Variants in DNAH1 observed in about 807,000 individuals in gnomAD.
DNAH1 encodes the protein dynein axonemal heavy chain 1.
DNAH1 carries 327 observed loss-of-function variants against 484.3 expected under a neutral mutation model. The ratio of observed to expected loss-of-function variants is 0.68; its 90% CI spans 0.62 to 0.74. The LOEUF is 0.74. Ranked by LOEUF, DNAH1 falls within the 30% of genes least tolerant of loss-of-function variation. The probability of loss-of-function intolerance (pLI) is 0.00; values close to 1 mark genes in which losing one functional copy is unlikely to be tolerated. For synonymous variants in DNAH1, 2,192 were observed against 2,191.9 expected, an observed-to-expected ratio of 1.00 and a Z score of 0.00; for missense variants, 5,052 against 5,546.8, an observed-to-expected ratio of 0.91 and a Z score of 2.83.
At chr3:52,327,004 C>CT (rs1701371393) in intron 5 of DNAH1, 113 bp downstream of exon 5, 1 of 1,355,096 alleles carries the variant, frequency 7.4e-7, no homozygotes, top group Non-Finnish European at 9.9e-7. Flanking sequence ...CCAGCACACT[C>CT]TTGTCAAACA....
chr3:52,348,454 C>T (rs1702233710), intron 12 of DNAH1, among the ~76,000 whole-genome samples: 1 of 152,174 alleles, frequency 6.6e-6, no homozygotes, highest in South Asian at 2.1e-4. Context: ...GTCCAACGTC[C>T]CCACCAGTCA....
At chr3:52,331,393 C>T in intron 7 of DNAH1, 84 bp downstream of exon 7, 1 of 1,451,154 alleles carries the variant, frequency 6.9e-7, no homozygotes. Flanking sequence ...GCCCAGGGCA[C>T]TGCCAGATCA....
chr3:52,370,005 G>A lies in DNAH1; in HGVS notation c.6124G>A (p.Val2042Ile). 1 of 1,613,268 alleles carries A rather than the reference G, an allele frequency of 6.2e-7. No homozygotes were observed. The highest frequency in any genetic ancestry group is 8.5e-7 in the Non-Finnish European group (1 of 1,179,366). The change falls in exon 38 of 78, where the codon GTC becomes ATC. Residue 2042 changes from valine (V) to isoleucine (I), a missense_variant. Transcript: ENST00000420323. ...PYEEHFKALF[V>I]SFLEESISFV... ...TGAGGAGCATTTCAAGGCCCTCTTT[G>A]TCAGCTTCCTGGAGGTGAGTGAGGC...
chr3:52,336,788 C>T (rs1420585187), intron 8 of DNAH1, among the ~76,000 whole-genome samples: 1 of 152,140 alleles, frequency 6.6e-6, no homozygotes, highest in Non-Finnish European at 1.5e-5. Flanking sequence ...TTACATTGGA[C>T]TATGTGTCTG....
chr3:52,332,219 T>C lies in DNAH1; in HGVS notation c.1111T>C (p.Phe371Leu). 1.2e-6 allele frequency: 2 copies of C among 1,612,896 alleles called. No individual in the cohort carries two copies. The highest frequency in any genetic ancestry group is 2.2e-5 in the South Asian group (2 of 90,880). The change falls in exon 8 of 78, where the codon TTC becomes CTC. Residue 371 changes from phenylalanine to leucine, a missense_variant. Physicochemically the swap from Phe to Leu is conservative, Grantham distance 22. Transcript: ENST00000420323. ...CTTCTGCGCTGAGGACCCTTGCATG[T>C]TCGCACAACGTGTGGTCCAGGCCAA... is the stretch of plus-strand genomic sequence containing the variant. ...LLFCAEDPCMFAQRVVQANAL... is the reference protein window; with the variant it reads ...LLFCAEDPCMLAQRVVQANAL...
chr3:52,364,539 A>G lies in DNAH1; in HGVS notation c.5245-99A>G. The G allele has an allele frequency of 4.5e-6, 6 of 1,343,870 alleles. No homozygotes were observed. The South Asian group carries it at 7.1e-5, about 16-fold the overall frequency. 83.2% of individuals were successfully genotyped at this position (1,343,870 alleles called of 1,614,324 possible). ...GCAAGGGAAGTGCTATGAGCTGGTG[A>G]TGAGACTTGGCCAACTGCCAGGTGG... On this transcript the variant is annotated intron_variant, in intron 32 of 77. Transcript: ENST00000420323. The surrounding 1 kb of genome is among the most constrained non-coding windows in gnomAD (Gnocchi z 4.2).
In DNAH1 at chr3:52,369,811, C is replaced by A; in HGVS notation, c.5944-14C>A. 6.3e-7 allele frequency: 1 copy of A among 1,589,996 alleles called. No individual in the cohort carries two copies. The highest frequency in any genetic ancestry group is 1.1e-5 in the South Asian group (1 of 89,102). On this transcript the variant is annotated splice_polypyrimidine_tract_variant and intron_variant, in intron 37 of 77. Transcript: ENST00000420323. ...TGGCAGCCAGCCCACTCATTTGGTTCGTCTTGGCACCAGGCAATGACCATG... is the reference window on the plus strand; with the variant it reads ...TGGCAGCCAGCCCACTCATTTGGTTAGTCTTGGCACCAGGCAATGACCATG...
Position 52,395,252 on chromosome 3 carries a change from T to C in DNAH1, c.10969-56T>C, listed in dbSNP as rs1704568254. The C allele has an allele frequency of 3.2e-6, 5 of 1,581,112 alleles. No homozygotes were observed. In the African/African-American group the frequency reaches 6.7e-5, roughly 21 times the overall value. On this transcript the variant is annotated intron_variant, in intron 68 of 77. Transcript: ENST00000420323. This position sits in a 1 kb window ranked among gnomAD's most constrained non-coding sequence, Gnocchi z 4.4. ...CTGAGAACCCCAGATCCCCCTCCCT[T>C]GCCCCGATCTCTCTGCAGCCCCAGG... is the stretch of plus-strand genomic sequence containing the variant.
chr3:52,347,577 CAG>C (rs1559510050), intron 11 of DNAH1, among the ~76,000 whole-genome samples: 4 of 152,150 alleles, frequency 2.6e-5, no homozygotes, highest in African/African-American at 9.7e-5. Flanking sequence ...AACCTCAGCA[CAG>C]GGGTGGGGGG....
chr3:52,398,651 C>G (rs773303104), intron 75 of DNAH1, among the ~76,000 whole-genome samples, 199 bp from the exon 76 acceptor site: 1 of 152,170 alleles, frequency 6.6e-6, no homozygotes. Context: ...CAAAATGTTC[C>G]GTAAGCTATC....
chr3:52,372,191 C>T (rs772854510), intron 42 of DNAH1, 36 bp from the exon 43 acceptor site: 2 of 1,612,206 alleles, frequency 1.2e-6, no homozygotes, highest in South Asian at 2.2e-5. Flanking sequence ...TGCACCAGGC[C>T]CACCGCATGC....
Position 52,358,700 on chromosome 3 carries a change from A to G in DNAH1, c.4229A>G (p.His1410Arg), listed in dbSNP as rs1559525913. 11 of 1,613,060 alleles carry G rather than the reference A, an allele frequency of 6.8e-6. No individual in the cohort carries two copies. The highest frequency in any genetic ancestry group is 9.3e-6 in the Non-Finnish European group (11 of 1,179,752). Reference sequence around the variant, plus strand: ...GAGCGCAGCATGAAGGCCAGTGTGCACGACATCATTGAGAAGGCCATCAGG... The same window carrying G: ...GAGCGCAGCATGAAGGCCAGTGTGCGCGACATCATTGAGAAGGCCATCAGG... ...EVERSMKASVHDIIEKAIRAY... is the reference protein window; with the variant it reads ...EVERSMKASVRDIIEKAIRAY... Residue 1410 changes from histidine to arginine, a missense_variant, in exon 25 of 78, where the codon CAC becomes CGC. By Grantham distance (29) the His-to-Arg change is conservative (BLOSUM62 0). Transcript: ENST00000420323. This position sits in a 1 kb window ranked among gnomAD's most constrained non-coding sequence, Gnocchi z 4.2.
chr3:52,350,397 A>AT, intron 15 of DNAH1, 111 bp from the exon 16 acceptor site: 1 of 1,128,060 alleles, frequency 8.9e-7, no homozygotes, highest in Non-Finnish European at 1.3e-6. Context: ...AGACCTCCCC[A>AT]TTCTGAAAGA....
At position 52,359,250 on chromosome 3, in the gene DNAH1, C is replaced by G. The variant is rs1273132865; in HGVS notation, c.4271C>G (p.Pro1424Arg). 1.3e-6 allele frequency: 2 copies of G among 1,566,244 alleles called. No individual in the cohort carries two copies. Among genetic ancestry groups the G allele is most frequent in the Non-Finnish European group, 1.7e-6 (2 of 1,154,844 alleles). The part of the protein sequence containing the change: ...EKAIRAYPTM[P>R]RTQWVLNWPG... ...CTGCCCATGCTGTCTTCCCAGATGC[C>G]CAGGACCCAGTGGGTTCTGAACTGG... Residue 1424 changes from proline (P) to arginine (R), a missense_variant, in exon 26 of 78, where the codon CCC becomes CGC. Around this residue, in one of 4 missense-constraint regions of DNAH1, gnomAD observed 2,929 missense variants for 3,409.4 expected, o/e 0.86. Coordinates refer to ENST00000420323, the MANE Select transcript of DNAH1 (RefSeq NM_015512.5).
Position 52,358,235 on chromosome 3 carries a change from T to TTG in DNAH1, c.4086+232_4086+233insTG, listed in dbSNP as rs1702700777. ...GGCGCTCCCTGTGCCCCCAGCACACTGCAAAACCCATGAGGCCAGAAGCCT... is the reference window on the plus strand; with the variant it reads ...GGCGCTCCCTGTGCCCCCAGCACACTTGGCAAAACCCATGAGGCCAGAAGCCT... On this transcript the variant is annotated intron_variant, in intron 24 of 77. Coordinates refer to ENST00000420323, the MANE Select transcript of DNAH1 (RefSeq NM_015512.5). This position sits in a 1 kb window ranked among gnomAD's most constrained non-coding sequence, Gnocchi z 4.2. 6.6e-6 allele frequency among the ~76,000 whole-genome samples: 1 copy of TTG among 152,210 alleles called. No individual in the cohort carries two copies. Among genetic ancestry groups the TTG allele is most frequent in the Admixed American group, 6.5e-5 (1 of 15,280 alleles).
chr3:52,362,559 A>T lies in DNAH1; in HGVS notation c.5094+58A>T. On this transcript the variant is annotated intron_variant, in intron 31 of 77. Transcript: ENST00000420323. The surrounding 1 kb of genome is among the most constrained non-coding windows in gnomAD (Gnocchi z 5.1). ...CCAGAGCTCTAGCCTGAGTTCAGAGATGCTAAGCCACTTATGCAAGGACAC... is the reference window on the plus strand; with the variant it reads ...CCAGAGCTCTAGCCTGAGTTCAGAGTTGCTAAGCCACTTATGCAAGGACAC... The T allele has an allele frequency of 6.9e-7, 1 of 1,443,712 alleles. No individual in the cohort carries two copies. The highest frequency in any genetic ancestry group is 9.6e-7 in the Non-Finnish European group (1 of 1,044,314). 89.4% of individuals were successfully genotyped at this position (1,443,712 alleles called of 1,614,324 possible). A position where few individuals can be genotyped will look rare whatever the true frequency, so the allele number is the denominator to read the frequency against.
intron 63 of DNAH1, 112 bp downstream of exon 63, chr3:52,391,715 C>G: frequency 8.4e-6 from 11 of 1,314,612 alleles, no homozygotes; most frequent in Non-Finnish European, 1.2e-5. Context: ...CACTCAAAGT[C>G]TCCACCAGTT....
chr3:52,323,695 TG>T, intron 2 of DNAH1, 112 bp from the exon 3 acceptor site: 1 of 701,346 alleles, frequency 1.4e-6, no homozygotes, highest in Non-Finnish European at 2.5e-6. Flanking sequence ...CCTGTGCTCC[TG>T]GAGTGCTCCC....
intron 8 of DNAH1, among the ~76,000 whole-genome samples, chr3:52,340,279 A>G (rs986030255): frequency 6.6e-6 from 1 of 151,208 alleles, no homozygotes; most frequent in African/African-American, 2.4e-5. Flanking sequence ...TGGGGGTCTC[A>G]CTTTGTTGCC....
Sources: gnomAD v4.1 joint callset for allele counts (sites outside exome capture counted in the v4.1 genomes callset) on GRCh38, gnomAD v4.1.1 for gene constraint, gnomAD v4.1.1 regional missense constraint, Gnocchi (gnomAD v3.1) non-coding constraint, MANE v1.5 for transcripts, NCBI Gene and HGNC (gene_info 2026-07-23, HGNC 2026-07-21) for gene names.